The following MCPH1 variants were observed in gnomAD, a reference collection of about 807,000 sequenced individuals.
MCPH1 encodes microcephalin 1.
In MCPH1, 104 loss-of-function variants were observed where a neutral mutation model predicts 84.5. That is an observed-to-expected ratio of 1.23 (90% CI 1.05 to 1.45). The LOEUF is 1.45. MCPH1 is among the 40% of genes most tolerant of loss of function. The probability of loss-of-function intolerance (pLI) is 0.00; values close to 1 mark genes in which losing one functional copy is unlikely to be tolerated. For missense variants in MCPH1, 1,498 were observed against 1,005.7 expected, an observed-to-expected ratio of 1.49 and a Z score of -6.62; for synonymous variants, 514 against 366.8, an observed-to-expected ratio of 1.40 and a Z score of -4.58.
intron 3 of MCPH1, among the ~76,000 whole-genome samples, chr8:6,417,007 G>A (rs898876274): frequency 2.6e-5 from 4 of 151,854 alleles, no homozygotes; most frequent in African/African-American, 9.7e-5. Flanking sequence ...AGAGTAAGGG[G>A]TCCTTCTCTG....
intron 12 of MCPH1, chr8:6,508,482 A>G (rs1814251450): frequency 1.1e-5 from 2 of 189,522 alleles, no homozygotes. Flanking sequence ...CTGTAAATAA[A>G]TAAATAATAA....
intron 10 of MCPH1, among the ~76,000 whole-genome samples, chr8:6,479,645 G>A (rs1027496741): frequency 1.9e-4 from 29 of 151,816 alleles, no homozygotes; most frequent in African/African-American, 6.8e-4. Context: ...CCATGTTGTT[G>A]TATATATCAC....
At chr8:6,566,042 G>A (rs1003990072) in intron 12 of MCPH1, among the ~76,000 whole-genome samples, 2 of 152,224 alleles carry the variant, frequency 1.3e-5, no homozygotes, top group African/African-American at 2.4e-5. Context: ...GGCCACCATC[G>A]CCACCACTCA....
chr8:6,463,405 G>A (rs1322567336), intron 9 of MCPH1, among the ~76,000 whole-genome samples: 1 of 152,160 alleles, frequency 6.6e-6, no homozygotes, highest in African/African-American at 2.4e-5. Flanking sequence ...CCTCTTTTTA[G>A]ATTGAGTTTT....
chr8:6,504,590 A>G (rs1812897994), intron 12 of MCPH1, among the ~76,000 whole-genome samples: 1 of 152,192 alleles, frequency 6.6e-6, no homozygotes, highest in South Asian at 2.1e-4. Context: ...TGATGCTGGC[A>G]ATTCAGATAT....
intron 8 of MCPH1, chr8:6,446,512 C>G (rs551179741): frequency 3.0e-6 from 3 of 984,222 alleles, no homozygotes; most frequent in African/African-American, 1.7e-5. Context: ...ATGTTTTTGG[C>G]CTGCTATTTA....
At chr8:6,457,789 C>T (rs552167886) in intron 9 of MCPH1, among the ~76,000 whole-genome samples, 3 of 152,132 alleles carry the variant, frequency 2.0e-5, no homozygotes, top group Non-Finnish European at 4.4e-5. Flanking sequence ...GGTTTCCCCT[C>T]TTTCGCAGGA....
At chr8:6,515,716 C>G (rs1481347197) in intron 12 of MCPH1, among the ~76,000 whole-genome samples, 1 of 152,162 alleles carries the variant, frequency 6.6e-6, no homozygotes, top group Non-Finnish European at 1.5e-5. Flanking sequence ...CTGCCACATA[C>G]AAGGTAGGAA....
intron 9 of MCPH1, among the ~76,000 whole-genome samples, chr8:6,465,303 G>A (rs902881914): frequency 2.0e-5 from 3 of 152,152 alleles, no homozygotes; most frequent in South Asian, 2.1e-4. Context: ...TCTGCACTGC[G>A]CCTCTCTGGT....
At chr8:6,459,625 G>A (rs1320756447) in intron 9 of MCPH1, among the ~76,000 whole-genome samples, 1 of 152,196 alleles carries the variant, frequency 6.6e-6, no homozygotes, top group African/African-American at 2.4e-5. Context: ...GTCTGGGCCT[G>A]ACATTTTTAT....
chr8:6,495,844 G>T (rs1472437706), intron 11 of MCPH1, among the ~76,000 whole-genome samples: 1 of 152,166 alleles, frequency 6.6e-6, no homozygotes, highest in Admixed American at 6.5e-5. Context: ...TGAACTGTTT[G>T]AAATCAACTA....
chr8:6,576,955 A>G (rs1277645035), intron 12 of MCPH1, among the ~76,000 whole-genome samples: 2 of 151,892 alleles, frequency 1.3e-5, no homozygotes, highest in Non-Finnish European at 2.9e-5. Flanking sequence ...AATCTGAGAG[A>G]CGCAGGGCCC....
intron 12 of MCPH1, among the ~76,000 whole-genome samples, chr8:6,612,596 C>T (rs1352652787): frequency 1.3e-5 from 2 of 152,242 alleles, no homozygotes; most frequent in African/African-American, 4.8e-5. Context: ...CTGCGTCCGG[C>T]ACCGCTGGTT....
intron 12 of MCPH1, among the ~76,000 whole-genome samples, chr8:6,574,864 G>A (rs541424026): frequency 1.3e-5 from 2 of 152,262 alleles, no homozygotes; most frequent in Admixed American, 1.3e-4. Flanking sequence ...CAATATCCAG[G>A]GAGATAGTCA....
chr8:6,588,578 G>T (rs1403422269), intron 12 of MCPH1, among the ~76,000 whole-genome samples: 1 of 152,228 alleles, frequency 6.6e-6, no homozygotes, highest in Non-Finnish European at 1.5e-5. Context: ...GGTTGAACCA[G>T]CACTGAACTG....
rs932964603 is a variant in MCPH1 at position 6,612,301 on chromosome 8, C to T, written c.2215-9153C>T. Among the ~76,000 whole-genome samples the T allele has an allele frequency of 1.8e-4, 21 of 118,770 alleles. No homozygotes were observed. The East Asian group carries it at 8.2e-3, about 46-fold the overall frequency. 77.9% of individuals were successfully genotyped at this position (118,770 alleles called of 152,430 possible). A position where few individuals can be genotyped will look rare whatever the true frequency, so the allele number is the denominator to read the frequency against. On this transcript the variant is annotated intron_variant, in intron 12 of 13. Transcript: ENST00000344683. ...TCACATTCTGCCTATTTAAGCCAAGCCCCCCTTCCCCAAGGCCAACCTCCT... is the reference window on the plus strand; with the variant it reads ...TCACATTCTGCCTATTTAAGCCAAGTCCCCCTTCCCCAAGGCCAACCTCCT...
intron 8 of MCPH1, among the ~76,000 whole-genome samples, chr8:6,449,590 G>C (rs1461991231): frequency 6.6e-6 from 1 of 151,738 alleles, no homozygotes; most frequent in Admixed American, 6.6e-5. Context: ...CCGAGATCAT[G>C]CCACTGCACT....
chr8:6,530,526 A>T (rs1586408483), intron 12 of MCPH1, among the ~76,000 whole-genome samples: 1 of 141,628 alleles, frequency 7.1e-6, no homozygotes, highest in African/African-American at 2.7e-5. Flanking sequence ...AAAAAAAAAA[A>T]AAAAAGTAAT....
chr8:6,636,907 A>C (rs574068029), intron 13 of MCPH1, among the ~76,000 whole-genome samples: 90 of 152,348 alleles, frequency 5.9e-4, no homozygotes, highest in African/African-American at 2.0e-3. Context: ...GATGGGAAAC[A>C]GAAGTTGGTG....
Sources: allele counts gnomAD v4.1 joint callset (sites outside exome capture counted in the v4.1 genomes callset), GRCh38; gene constraint gnomAD v4.1.1; transcripts MANE v1.5; gene names NCBI Gene and HGNC (gene_info 2026-07-23, HGNC 2026-07-21).